Variants in ATRX observed in about 807,000 individuals in gnomAD.
ATRX encodes ATRX chromatin remodeler.
Under a neutral mutation model 172.6 loss-of-function variants are expected in ATRX, and 12 were observed. The observed-to-expected ratio is 0.07, with a 90% CI of 0.04 to 0.11. The LOEUF is 0.11. Among genes scored for constraint, ATRX ranks in the 10% least tolerant of loss-of-function variants. The pLI is 1.00. For synonymous variants in ATRX, 674 were observed against 594.7 expected (o/e 1.13, Z -1.94); for missense variants, 1,368 against 1,767.4 (o/e 0.77, Z 4.05).
intron 10 of ATRX, chrX:77,675,950 A>G (rs782230184): frequency 4.7e-6 from 1 of 210,619 alleles, no homozygotes; most frequent in Non-Finnish European, 8.7e-6. Context: ...CAAAAAAATT[A>G]CTGCAGTTTA....
At chrX:77,515,971 G>T (rs948860437) in intron 34 of ATRX, among the ~76,000 whole-genome samples, 2 of 111,564 alleles carry the variant, frequency 1.8e-5, no homozygotes, top group Admixed American at 1.9e-4. Context: ...AACTAATGCA[G>T]GAACAGGAAA....
intron 31 of ATRX, chrX:77,522,618 C>A (rs2063267913): frequency 5.3e-6 from 2 of 376,055 alleles, no homozygotes; most frequent in Non-Finnish European, 9.4e-6. Flanking sequence ...AGAATGGGGG[C>A]AACTCAAAGA....
At chrX:77,688,320 A>G (rs2071693694) in intron 7 of ATRX, among the ~76,000 whole-genome samples, 1 of 112,211 alleles carries the variant, frequency 8.9e-6, no homozygotes, top group South Asian at 3.7e-4. Context: ...TAATCAACAC[A>G]TAAAAAACAT....
At chrX:77,578,034 T>A (rs782277061) in intron 27 of ATRX, among the ~76,000 whole-genome samples, 41 of 111,421 alleles carry the variant, frequency 3.7e-4, no homozygotes, top group African/African-American at 1.3e-3. Flanking sequence ...TCAGTGCACT[T>A]GCGGGAAGGA....
At chrX:77,737,309 G>C (rs928439401) in intron 1 of ATRX, among the ~76,000 whole-genome samples, 1 of 106,415 alleles carries the variant, frequency 9.4e-6, no homozygotes, top group Admixed American at 1.0e-4. Flanking sequence ...TGTAATCCCA[G>C]CTACTCGGGA....
chrX:77,609,088 C>T (rs189518270), intron 22 of ATRX, among the ~76,000 whole-genome samples: 7 of 111,546 alleles, frequency 6.3e-5, no homozygotes, highest in African/African-American at 1.3e-4. Flanking sequence ...GACAGACAAA[C>T]GCTGGCGAGG....
intron 34 of ATRX, among the ~76,000 whole-genome samples, chrX:77,518,022 C>G (rs1397139536): frequency 8.9e-6 from 1 of 111,891 alleles, no homozygotes; most frequent in Non-Finnish European, 1.9e-5. Context: ...CATACCTCAA[C>G]ACAATAAAAG....
At chrX:77,524,791 G>C (rs1313759719) in intron 30 of ATRX, among the ~76,000 whole-genome samples, 1 of 103,569 alleles carries the variant, frequency 9.7e-6, no homozygotes, top group Admixed American at 1.1e-4. Context: ...TGTCACCCAA[G>C]TTGGAGTGCA....
intron 1 of ATRX, among the ~76,000 whole-genome samples, chrX:77,774,082 C>T (rs1422566951): frequency 9.1e-6 from 1 of 110,114 alleles, no homozygotes; most frequent in African/African-American, 3.3e-5. Context: ...ATTAGCCGTG[C>T]GTGGTGGGGC....
intron 30 of ATRX, among the ~76,000 whole-genome samples, chrX:77,532,878 G>A (rs782297265): frequency 1.3e-4 from 14 of 111,747 alleles, no homozygotes; most frequent in African/African-American, 3.9e-4. Context: ...GGAAGAAAAC[G>A]TTTGCAATCT....
rs1441886865 is a variant in ATRX at position 77,632,987 on chromosome X, T to G, written c.5134+220A>C. 5.4e-5 allele frequency among the ~76,000 whole-genome samples: 6 copies of G among 111,801 alleles called. No individual in the cohort carries two copies. In the Admixed American group the frequency reaches 5.7e-4, roughly 11 times the overall value. Reference sequence around the variant, plus strand: ...GTTTACAAGGTATCCCCTAAAACCCTAAACACTTTCAGACTCAGCAAATAA... The same window carrying G: ...GTTTACAAGGTATCCCCTAAAACCCGAAACACTTTCAGACTCAGCAAATAA... On this transcript the variant is annotated intron_variant, in intron 19 of 34. Coordinates refer to ENST00000373344, the MANE Select transcript of ATRX (RefSeq NM_000489.6).
At chrX:77,636,914 AGAAGGAAGAAG>A (rs1437679699) in intron 15 of ATRX, among the ~76,000 whole-genome samples, 73 of 102,131 alleles carry the variant, frequency 7.1e-4, no homozygotes, top group African/African-American at 2.6e-3. Context: ...AGAAGAAGGA[AGAAGGAAGAAG>A]GAAGGAGGAA....
At chrX:77,558,176 TATTAA>T (rs1176828723) in intron 29 of ATRX, among the ~76,000 whole-genome samples, 1 of 110,847 alleles carries the variant, frequency 9.0e-6, no homozygotes, top group Non-Finnish European at 1.9e-5. Flanking sequence ...GTATACATTA[TATTAA>T]ATGTATATTA....
intron 30 of ATRX, among the ~76,000 whole-genome samples, chrX:77,551,433 G>A (rs1344296493): frequency 8.9e-6 from 1 of 111,991 alleles, no homozygotes; most frequent in African/African-American, 3.2e-5. Context: ...AGCTGGAACT[G>A]GATCCCTTCC....
intron 10 of ATRX, among the ~76,000 whole-genome samples, chrX:77,667,297 G>A (rs1241915601): frequency 7.8e-5 from 1 of 12,739 alleles, no homozygotes; most frequent in African/African-American, 2.0e-4. Flanking sequence ...GAATAAATAT[G>A]TGTGTGTGTG....
intron 1 of ATRX, among the ~76,000 whole-genome samples, chrX:77,722,360 CA>C (rs782433623): frequency 1.2e-4 from 12 of 103,079 alleles, no homozygotes; most frequent in South Asian, 4.1e-4. Flanking sequence ...TTCTGCACAG[CA>C]AAAAAAAAAT....
chrX:77,619,272 T>C (rs1477817712), intron 20 of ATRX, among the ~76,000 whole-genome samples: 1 of 111,268 alleles, frequency 9.0e-6, no homozygotes, highest in Non-Finnish European at 1.9e-5. Context: ...TTATAAGAGA[T>C]ATGAAGTATA....
At chrX:77,581,457 G>T (rs782605140) in intron 27 of ATRX, among the ~76,000 whole-genome samples, 130 of 111,978 alleles carry the variant, frequency 1.2e-3, no homozygotes, top group African/African-American at 4.1e-3. Flanking sequence ...AAAACTGTAA[G>T]AAGAGACAAA....
Position 77,579,367 on chromosome X carries a change from AC to A in ATRX, c.6218-5010del, listed in dbSNP as rs782780562. Among the ~76,000 whole-genome samples, 12 of 111,881 alleles carry A rather than the reference AC, an allele frequency of 1.1e-4. No individual in the cohort carries two copies. The East Asian group carries it at 2.8e-3, about 27-fold the overall frequency. On this transcript the variant is annotated intron_variant, in intron 27 of 34. Coordinates refer to ENST00000373344, the MANE Select transcript of ATRX (RefSeq NM_000489.6). ...CATTGCTCTGCTGGCTTAAGATCTG[AC>A]CAAGTGCTATACCCGCAGTGGTAGT... is the stretch of plus-strand genomic sequence containing the variant.
Sources: allele counts gnomAD v4.1 joint callset (sites outside exome capture counted in the v4.1 genomes callset), GRCh38; gene constraint gnomAD v4.1.1; transcripts MANE v1.5; gene names NCBI Gene and HGNC (gene_info 2026-07-23, HGNC 2026-07-21).